The following DCLK1 variants were observed in gnomAD, a reference collection of about 807,000 sequenced individuals.
DCLK1 encodes serine/threonine-protein kinase DCLK1.
DCLK1 carries 16 observed loss-of-function variants against 86.2 expected under a neutral mutation model. The ratio of observed to expected loss-of-function variants is 0.19; its 90% CI spans 0.13 to 0.28. The LOEUF is 0.28. Ranked by LOEUF, DCLK1 falls within the 10% of genes least tolerant of loss-of-function variation. The probability of loss-of-function intolerance (pLI) is 1.00; values close to 1 mark genes in which losing one functional copy is unlikely to be tolerated. For missense variants in DCLK1, 590 were observed against 940.2 expected, an observed-to-expected ratio of 0.63 and a Z score of 4.87; for synonymous variants, 369 against 370.5, an observed-to-expected ratio of 1.00 and a Z score of 0.05.
chr13:35,910,234 C>T (rs951278204), intron 4 of DCLK1, among the ~76,000 whole-genome samples: 10 of 152,096 alleles, frequency 6.6e-5, no homozygotes, highest in South Asian at 2.1e-4. Flanking sequence ...CTGAAATGCA[C>T]GAACAGTCAA....
chr13:36,046,324 A>G (rs999298765), intron 3 of DCLK1, among the ~76,000 whole-genome samples: 1 of 152,358 alleles, frequency 6.6e-6, no homozygotes, highest in Non-Finnish European at 1.5e-5. Flanking sequence ...GAGTTAATAC[A>G]TAAACTAACA....
intron 3 of DCLK1, among the ~76,000 whole-genome samples, chr13:35,979,434 C>T (rs1244038057): frequency 6.6e-6 from 1 of 152,128 alleles, no homozygotes; most frequent in Non-Finnish European, 1.5e-5. Flanking sequence ...ACAGCCACTG[C>T]CATTGCTTGG....
chr13:35,794,539 G>T (rs2086768952), intron 15 of DCLK1, among the ~76,000 whole-genome samples: 1 of 152,172 alleles, frequency 6.6e-6, no homozygotes, highest in Admixed American at 6.5e-5. Flanking sequence ...CATGGCATTT[G>T]CTTTTTCTTT....
intron 4 of DCLK1, among the ~76,000 whole-genome samples, chr13:35,932,386 CA>C (rs1412729202): frequency 1.3e-5 from 2 of 152,072 alleles, no homozygotes; most frequent in Non-Finnish European, 2.9e-5. Flanking sequence ...TAACACAAGC[CA>C]TTTCCTTATA....
chr13:35,880,473 A>G (rs994101592), intron 4 of DCLK1, among the ~76,000 whole-genome samples: 5 of 152,102 alleles, frequency 3.3e-5, no homozygotes, highest in Non-Finnish European at 7.4e-5. Flanking sequence ...GGTGTTCCTC[A>G]CTATTTTGGA....
chr13:35,769,833 T>A lies in DCLK1; in HGVS notation c.*4702A>T, dbSNP rs1337791782. ...GCTGAAGAAATTTACAGGTATGATT[T>A]AATTTTAGAGAGTGTTCTTTCTTTA... On this transcript the variant is annotated 3_prime_UTR_variant, in exon 17 of 17. Coordinates refer to ENST00000360631, the MANE Select transcript of DCLK1 (RefSeq NM_001330071.2). The A allele has an allele frequency of 1.3e-5, 2 of 152,204 alleles. No homozygotes were observed. Among genetic ancestry groups the A allele is most frequent in the African/African-American group, 4.8e-5 (2 of 41,444 alleles). The allele number at this position is 152,204 out of a possible 1,614,324, so 9.4% of individuals were successfully genotyped here. A position where few individuals can be genotyped will look rare whatever the true frequency, so the allele number is the denominator to read the frequency against.
At chr13:36,094,706 T>C (rs17053457) in intron 3 of DCLK1, among the ~76,000 whole-genome samples, 18,576 of 152,274 alleles carry the variant, frequency 0.12, 1,525 homozygotes, top group East Asian at 0.32. Context: ...GGAAGCACTT[T>C]ACATTTTGAA....
chr13:36,015,079 G>A (rs925879882), intron 3 of DCLK1, among the ~76,000 whole-genome samples: 2 of 151,848 alleles, frequency 1.3e-5, no homozygotes, highest in Admixed American at 1.3e-4. Context: ...TCTGCTCCGT[G>A]GGAGCAGTGA....
chr13:35,839,005 A>T (rs1031129478), intron 7 of DCLK1, 87 bp downstream of exon 7: 4 of 1,263,572 alleles, frequency 3.2e-6, no homozygotes, highest in Non-Finnish European at 4.5e-6. Context: ...TGTCCATGTC[A>T]TTCCGCTTGA....
chr13:36,012,128 C>T (rs866185811), intron 3 of DCLK1, among the ~76,000 whole-genome samples: 18 of 138,710 alleles, frequency 1.3e-4, no homozygotes, highest in African/African-American at 3.1e-4. Flanking sequence ...TGTCTCTGCA[C>T]GTGAGATGGG....
chr13:35,967,605 G>A (rs1878842172), intron 3 of DCLK1, among the ~76,000 whole-genome samples: 1 of 152,122 alleles, frequency 6.6e-6, no homozygotes, highest in Non-Finnish European at 1.5e-5. Flanking sequence ...GATGTGCTTT[G>A]TTAAACAGAT....
intron 4 of DCLK1, among the ~76,000 whole-genome samples, chr13:35,927,664 T>C (rs2153128228): frequency 6.6e-6 from 1 of 152,324 alleles, no homozygotes; most frequent in East Asian, 1.9e-4. Context: ...AATTCCCAAG[T>C]GATAACACTA....
intron 3 of DCLK1, among the ~76,000 whole-genome samples, chr13:35,950,174 C>G (rs1187210520): frequency 2.6e-5 from 4 of 152,184 alleles, no homozygotes; most frequent in African/African-American, 9.7e-5. Context: ...TAAAACCGCT[C>G]CTTGCTAGAA....
intron 3 of DCLK1, among the ~76,000 whole-genome samples, chr13:36,005,595 G>A (rs1880913107): frequency 6.6e-6 from 1 of 152,200 alleles, no homozygotes; most frequent in South Asian, 2.1e-4. Flanking sequence ...CTAGAAAAGG[G>A]TGCAGGGAAA....
At chr13:35,908,669 C>T (rs1874817950) in intron 4 of DCLK1, among the ~76,000 whole-genome samples, 1 of 152,154 alleles carries the variant, frequency 6.6e-6, no homozygotes, top group Non-Finnish European at 1.5e-5. Flanking sequence ...GAACTTTGCT[C>T]TTGTCGCCCA....
chr13:36,077,531 C>A (rs141597461), intron 3 of DCLK1, among the ~76,000 whole-genome samples: 77 of 152,006 alleles, frequency 5.1e-4, no homozygotes, highest in African/African-American at 1.8e-3. Context: ...TCTCAGGCAG[C>A]CAGAAGTCTA....
intron 3 of DCLK1, among the ~76,000 whole-genome samples, chr13:35,978,850 A>G (rs1171690163): frequency 6.6e-6 from 1 of 152,188 alleles, no homozygotes; most frequent in Non-Finnish European, 1.5e-5. Context: ...GGAATGATGG[A>G]ACTATCTTCT....
intron 16 of DCLK1, among the ~76,000 whole-genome samples, chr13:35,789,264 T>G (rs890697819): frequency 2.0e-5 from 3 of 152,198 alleles, no homozygotes; most frequent in Non-Finnish European, 4.4e-5. Flanking sequence ...GCTTCTAAAT[T>G]CACAAAGGCA....
chr13:35,988,293 T>C (rs926194669), intron 3 of DCLK1, among the ~76,000 whole-genome samples: 1 of 152,302 alleles, frequency 6.6e-6, no homozygotes, highest in South Asian at 2.1e-4. Flanking sequence ...GCCCAGGCTG[T>C]TGGCGACACC....
Sources: allele counts gnomAD v4.1 joint callset (sites outside exome capture counted in the v4.1 genomes callset), GRCh38; gene constraint gnomAD v4.1.1; transcripts MANE v1.5; gene names NCBI Gene and HGNC (gene_info 2026-07-23, HGNC 2026-07-21).